The following ARK2N variants were observed in gnomAD, a reference collection of about 807,000 sequenced individuals.
ARK2N encodes the protein arkadia (RNF111) N-terminal like PKA signaling regulator 2N, also known as protein ARK2N.
chr18:46,246,094 C>T, the ARK2N span, among the ~76,000 whole-genome samples: 1 of 152,188 alleles, frequency 6.6e-6, no homozygotes, highest in Non-Finnish European at 1.5e-5. Context: ...ACATTTTTCT[C>T]TACAGGGCTT....
the ARK2N span, among the ~76,000 whole-genome samples, chr18:46,246,644 G>GGTAAGAGCAGACCCCAGGCCAGGGCCT: frequency 6.6e-6 from 1 of 151,142 alleles, no homozygotes; most frequent in South Asian, 2.1e-4. Context: ...AAGCATTACA[G>GGTAAGAGCAGACCCCAGGCCAGGGCCT]ATAAGAGCAG....
At chr18:46,212,027 G>A in the ARK2N span, among the ~76,000 whole-genome samples, 1 of 152,248 alleles carries the variant, frequency 6.6e-6, no homozygotes. Flanking sequence ...TCCCCCTGTG[G>A]TTAGGGCACT....
At chr18:46,196,444 G>A in the ARK2N span, among the ~76,000 whole-genome samples, 1 of 150,472 alleles carries the variant, frequency 6.6e-6, no homozygotes, top group Non-Finnish European at 1.5e-5. Flanking sequence ...TGCATTTTTA[G>A]TAGAGACAGG....
the ARK2N span, among the ~76,000 whole-genome samples, chr18:46,239,018 T>C: frequency 6.6e-6 from 1 of 152,194 alleles, no homozygotes; most frequent in African/African-American, 2.4e-5. Context: ...CTGCTTTATA[T>C]TAAAATAGGG....
chr18:46,175,254 T>G, the ARK2N span, among the ~76,000 whole-genome samples: 39 of 152,182 alleles, frequency 2.6e-4, no homozygotes, highest in East Asian at 7.6e-3. Context: ...TTGCCTGACC[T>G]TTTGCTTTCT....
chr18:46,174,953 G>T, the ARK2N span, among the ~76,000 whole-genome samples: 30 of 152,214 alleles, frequency 2.0e-4, no homozygotes, highest in African/African-American at 7.2e-4. Flanking sequence ...GTCGGCAGGC[G>T]CCTCCAGTCA....
the ARK2N span, among the ~76,000 whole-genome samples, chr18:46,255,445 C>CTTTTCTTTT: frequency 7.1e-4 from 55 of 77,732 alleles, 1 homozygote; most frequent in African/African-American, 3.2e-3. Flanking sequence ...CTTTTCTTTT[C>CTTTTCTTTT]TTTTTTTTTT....
At chr18:46,221,313 A>G in the ARK2N span, among the ~76,000 whole-genome samples, 2,628 of 151,802 alleles carry the variant, frequency 0.017, 71 homozygotes, top group African/African-American at 0.06. Flanking sequence ...TGGGAGGCTG[A>G]GGCAGATGGA....
At chr18:46,260,893 C>A in the ARK2N span, among the ~76,000 whole-genome samples, 1 of 152,290 alleles carries the variant, frequency 6.6e-6, no homozygotes, top group South Asian at 2.1e-4. Flanking sequence ...TAGGTTTTTT[C>A]TTCTGTATAA....
chr18:46,201,174 G>C, the ARK2N span, among the ~76,000 whole-genome samples: 3 of 151,552 alleles, frequency 2.0e-5, no homozygotes, highest in Non-Finnish European at 2.9e-5. Context: ...GTAGATATAG[G>C]ATCTCCTTAT....
chr18:46,224,262 T>C, the ARK2N span, among the ~76,000 whole-genome samples: 5 of 152,272 alleles, frequency 3.3e-5, no homozygotes, highest in African/African-American at 1.2e-4. Context: ...CTACATTTTT[T>C]TGTGTGTGTG....
the ARK2N span, among the ~76,000 whole-genome samples, chr18:46,188,901 A>G: frequency 0.017 from 2,641 of 151,974 alleles, 70 homozygotes; most frequent in African/African-American, 0.06. Context: ...TGAGTGACAC[A>G]TATCTGGGCT....
the ARK2N span, chr18:46,263,943 G>A: frequency 6.6e-6 from 1 of 152,400 alleles, no homozygotes; most frequent in Non-Finnish European, 1.5e-5. Context: ...AATAACGGGT[G>A]AACATAGAAA....
chr18:46,193,599 T>TG, the ARK2N span, among the ~76,000 whole-genome samples: 21 of 141,862 alleles, frequency 1.5e-4, no homozygotes, highest in East Asian at 3.4e-3. Flanking sequence ...GGGTTTTTTT[T>TG]TTTTTTTTTT....
chr18:46,197,697 T>C, the ARK2N span, among the ~76,000 whole-genome samples: 1 of 152,152 alleles, frequency 6.6e-6, no homozygotes, highest in East Asian at 1.9e-4. Context: ...ACCCAACATA[T>C]AATAGCCAGT....
the ARK2N span, chr18:46,173,644 G>A: frequency 6.6e-6 from 1 of 152,338 alleles, no homozygotes; most frequent in African/African-American, 2.4e-5. Context: ...AGAAGGGCAC[G>A]GGCTCTCCGC....
the ARK2N span, among the ~76,000 whole-genome samples, chr18:46,223,655 C>T: frequency 2.6e-5 from 4 of 152,106 alleles, no homozygotes; most frequent in Non-Finnish European, 5.9e-5. Context: ...TTATAAGACT[C>T]TTGATGTAGG....
At chr18:46,200,340 C>T in the ARK2N span, among the ~76,000 whole-genome samples, 1 of 152,094 alleles carries the variant, frequency 6.6e-6, no homozygotes, top group East Asian at 1.9e-4. Flanking sequence ...CAGAGTCTTG[C>T]TCTGTCACCC....
the ARK2N span, among the ~76,000 whole-genome samples, chr18:46,194,329 G>C: frequency 6.6e-6 from 1 of 151,820 alleles, no homozygotes; most frequent in African/African-American, 2.4e-5. Context: ...GGCCAGGTGC[G>C]GGGGCTCACG....
Sources: gnomAD v4.1 joint callset for allele counts (sites outside exome capture counted in the v4.1 genomes callset) on GRCh38, gnomAD v4.1.1 for gene constraint, MANE v1.5 for transcripts, NCBI Gene and HGNC (gene_info 2026-07-23, HGNC 2026-07-21) for gene names.